ZNF37A: variants seen among roughly 807,000 people sequenced by gnomAD.
The protein encoded by ZNF37A is zinc finger protein 37a (KOX 21).
Under a neutral mutation model 12.3 loss-of-function variants are expected in ZNF37A, and 10 were observed. That is an observed-to-expected ratio of 0.82 (90% CI 0.50 to 1.38). The LOEUF (loss-of-function observed/expected upper bound fraction) is 1.38. ZNF37A is among the 40% of genes most tolerant of loss of function. The probability of loss-of-function intolerance (pLI) is 0.00; values close to 1 mark genes in which losing one functional copy is unlikely to be tolerated. For missense variants in ZNF37A, 580 were observed against 651.2 expected, an observed-to-expected ratio of 0.89 and a Z score of 1.19; for synonymous variants, 207 against 223.0, an observed-to-expected ratio of 0.93 and a Z score of 0.64.
chr10:38,109,533 A>G (rs570383978), intron 5 of ZNF37A, among the ~76,000 whole-genome samples: 5 of 152,302 alleles, frequency 3.3e-5, no homozygotes, highest in Admixed American at 6.5e-5. Context: ...TTCAGATAGG[A>G]AAAGAGGAAG....
At position 38,121,116 on chromosome 10, in the gene ZNF37A, A is replaced by G. The variant is rs1564378476; in HGVS notation, c.*2279A>G. 6.6e-6 allele frequency: 1 copy of G among 152,162 alleles called. No homozygotes were observed. Among genetic ancestry groups the G allele is most frequent in the Non-Finnish European group, 1.5e-5 (1 of 68,042 alleles). 9.4% of individuals were successfully genotyped at this position (152,162 alleles called of 1,614,324 possible). ...TTATTCCAAATATTTAAGAAATAAT[A>G]CCAGGCTTTTATAAACTTTTCTAGA... On this transcript the variant is annotated 3_prime_UTR_variant, in exon 8 of 8. Coordinates refer to ENST00000685332, the MANE Select transcript of ZNF37A (RefSeq NM_001324250.3).
downstream of ZNF37A, among the ~76,000 whole-genome samples, chr10:38,130,387 C>A (rs113688744): frequency 3.9e-5 from 6 of 152,132 alleles, no homozygotes; most frequent in African/African-American, 1.2e-4. Context: ...TTTGGATGTA[C>A]ACCTTACAGC....
chr10:38,141,417 C>G (rs137903572), intron 7 of ZNF37A: 46 of 152,262 alleles, frequency 3.0e-4, no homozygotes, highest in African/African-American at 1.0e-3. Context: ...ATCCATAATC[C>G]TAGTCTAGTC....
downstream of ZNF37A, among the ~76,000 whole-genome samples, chr10:38,129,322 A>AAAAAAAAAAAAAAAAAAAAAAT (rs2069983811): frequency 6.8e-6 from 1 of 148,004 alleles, no homozygotes; most frequent in African/African-American, 2.5e-5. Flanking sequence ...AAAAAAAAAA[A>AAAAAAAAAAAAAAAAAAAAAAT]CTATTATTTT....
intron 7 of ZNF37A, among the ~76,000 whole-genome samples, chr10:38,144,907 G>A (rs569014326): frequency 1.3e-5 from 2 of 152,008 alleles, no homozygotes; most frequent in East Asian, 3.9e-4. Context: ...GAAGTCATCC[G>A]GATTCTACAA....
At chr10:38,128,842 C>G (rs569066778), downstream of ZNF37A, among the ~76,000 whole-genome samples, 133 of 152,288 alleles carry the variant, frequency 8.7e-4, 1 homozygote, top group Middle Eastern at 0.024. Flanking sequence ...CAATCTCCCC[C>G]TCCCGGGTTC....
intron 5 of ZNF37A, among the ~76,000 whole-genome samples, chr10:38,110,339 G>A (rs2068532533): frequency 6.6e-6 from 1 of 152,104 alleles, no homozygotes; most frequent in African/African-American, 2.4e-5. Context: ...ATTAGCTCAA[G>A]ATGGATTAAA....
chr10:38,125,292 T>A (rs936210872), downstream of ZNF37A: 1 of 152,106 alleles, frequency 6.6e-6, no homozygotes, highest in African/African-American at 2.4e-5. Context: ...CTAAAAAAAA[T>A]ACCTGTAAAA....
downstream of ZNF37A, among the ~76,000 whole-genome samples, chr10:38,125,756 C>T (rs921520093): frequency 1.3e-5 from 2 of 152,074 alleles, no homozygotes; most frequent in African/African-American, 2.4e-5. Flanking sequence ...ACTGTTAGAC[C>T]ATTCTTGCAT....
intron 7 of ZNF37A, chr10:38,138,308 G>T (rs573997046): frequency 6.6e-6 from 1 of 152,262 alleles, no homozygotes; most frequent in East Asian, 1.9e-4. Flanking sequence ...TCAAATTTTT[G>T]CAGAGTGTCA....
At chr10:38,139,001 A>G (rs954882614) in intron 7 of ZNF37A, 7 of 152,236 alleles carry the variant, frequency 4.6e-5, no homozygotes, top group African/African-American at 1.7e-4. Context: ...GCATCATTTT[A>G]GAGCTGTAGC....
downstream of ZNF37A, among the ~76,000 whole-genome samples, chr10:38,126,742 A>G (rs377519004): frequency 2.0e-4 from 30 of 152,324 alleles, no homozygotes; most frequent in East Asian, 3.7e-3. Context: ...CAGCAGCCCT[A>G]TCATCACCGT....
At chr10:38,116,531 AC>A (rs1479056302) in intron 7 of ZNF37A, among the ~76,000 whole-genome samples, 3 of 152,186 alleles carry the variant, frequency 2.0e-5, no homozygotes, top group Non-Finnish European at 4.4e-5. Context: ...AGCTGAACTT[AC>A]CTAGAGCGAA....
At chr10:38,128,703 C>T (rs1195169429), downstream of ZNF37A, among the ~76,000 whole-genome samples, 1 of 152,176 alleles carries the variant, frequency 6.6e-6, no homozygotes, top group East Asian at 1.9e-4. Context: ...GCATAAGTGC[C>T]TCTTCCATCC....
rs551662611 is a variant in ZNF37A at position 38,105,821 on chromosome 10, A to T, written c.16-8934A>T. 8.5e-5 allele frequency among the ~76,000 whole-genome samples: 13 copies of T among 152,216 alleles called. No homozygotes were observed. In the East Asian group the frequency reaches 9.6e-4, roughly 11 times the overall value. ...TGTTCATTGTTGGAGTATTTTTTTT[A>T]AAAAAACCTAATTGTTGTGTGTTGA... On this transcript the variant is annotated intron_variant, in intron 5 of 7. Transcript: ENST00000685332.
chr10:38,112,731 T>TGGTG (rs2068799526), intron 5 of ZNF37A, among the ~76,000 whole-genome samples: 3 of 20,798 alleles, frequency 1.4e-4, no homozygotes, highest in African/African-American at 6.8e-4. Context: ...TTTACATCCA[T>TGGTG]TTTCTTTTCT....
chr10:38,112,778 T>TG (rs1554929923), intron 5 of ZNF37A, among the ~76,000 whole-genome samples: 10 of 63,806 alleles, frequency 1.6e-4, no homozygotes, highest in African/African-American at 5.2e-4. Context: ...TTCTTTTCTT[T>TG]TCTTTTCTTT....
Position 38,095,555 on chromosome 10 carries a change from C to T in ZNF37A, c.-180C>T, listed in dbSNP as rs2067082922. Reference sequence around the variant, plus strand: ...CGTTCTAGATGCTGAGCTGCTGGCGCACTGCAGCACAACTAGAGATGTACG... The same window carrying T: ...CGTTCTAGATGCTGAGCTGCTGGCGTACTGCAGCACAACTAGAGATGTACG... On this transcript the variant is annotated 5_prime_UTR_variant, in exon 3 of 8. Transcript: ENST00000685332. 2 of 152,218 alleles carry T rather than the reference C, an allele frequency of 1.3e-5. No individual in the cohort carries two copies. The highest frequency in any genetic ancestry group is 4.1e-4 in the South Asian group (2 of 4,830). 9.4% of individuals were successfully genotyped at this position (152,218 alleles called of 1,614,324 possible).
At chr10:38,106,116 T>A (rs939970936) in intron 5 of ZNF37A, among the ~76,000 whole-genome samples, 11 of 152,250 alleles carry the variant, frequency 7.2e-5, no homozygotes, top group Admixed American at 4.6e-4. Flanking sequence ...TACCTATGAG[T>A]TTTTTGTATA....
Sources: gnomAD v4.1 joint callset for allele counts (sites outside exome capture counted in the v4.1 genomes callset) on GRCh38, gnomAD v4.1.1 for gene constraint, MANE v1.5 for transcripts, NCBI Gene and HGNC (gene_info 2026-07-23, HGNC 2026-07-21) for gene names.